Variants in MAN1C1 observed in about 807,000 individuals in gnomAD.
MAN1C1 encodes mannosyl-oligosaccharide 1,2-alpha-mannosidase IC.
Under a neutral mutation model 71.5 loss-of-function variants are expected in MAN1C1, and 49 were observed. That is an observed-to-expected ratio of 0.69 (90% CI 0.54 to 0.87). The LOEUF is 0.87. Ranked by LOEUF, MAN1C1 falls within the 40% of genes least tolerant of loss-of-function variation. The pLI, the probability that MAN1C1 is intolerant of heterozygous loss-of-function variation, is 0.00. For missense variants in MAN1C1, 743 were observed against 835.0 expected (o/e 0.89, Z 1.36); for synonymous variants, 352 against 343.7 (o/e 1.02, Z -0.27).
chr1:25,771,950 C>A lies in MAN1C1; in HGVS notation c.1257+178C>A, dbSNP rs1238515599. 4 of 596,208 alleles carry A rather than the reference C, an allele frequency of 6.7e-6. No homozygotes were observed. In the Admixed American group the frequency reaches 1.2e-4, roughly 18 times the overall value. The allele number at this position is 596,208 out of a possible 1,614,324, so 36.9% of individuals were successfully genotyped here. On this transcript the variant is annotated intron_variant, in intron 8 of 11. Transcript: ENST00000374332. ...CCCCTCCCAGCCAGGCATTTTACAC[C>A]CTGCGACCCTCCCACATGCTCTAAG...
chr1:25,778,137 C>T lies in MAN1C1; in HGVS notation c.1290C>T (p.Pro430=), dbSNP rs771258387. Residue 430 remains proline (P), a synonymous_variant, in exon 9 of 12, where the codon CCC becomes CCT. Transcript: ENST00000374332. The surrounding 1 kb of genome is among the most constrained non-coding windows in gnomAD (Gnocchi z 5.5). Reference sequence around the variant, plus strand: ...AGACCTACTTGCTGAATGTCTCTCCCGGGGGGCTGACCTACATTGCCGAGT... The same window carrying T: ...AGACCTACTTGCTGAATGTCTCTCCTGGGGGGCTGACCTACATTGCCGAGT... ...AIETYLLNVS[P]GGLTYIAEWR... is the part of the protein sequence containing the mutation. The T allele has an allele frequency of 3.1e-5, 50 of 1,589,912 alleles. No homozygotes were observed. The highest frequency in any genetic ancestry group is 3.4e-5 in the South Asian group (3 of 88,532).
At chr1:25,640,774 G>A (rs1055335719) in intron 1 of MAN1C1, among the ~76,000 whole-genome samples, 1 of 152,106 alleles carries the variant, frequency 6.6e-6, no homozygotes, top group African/African-American at 2.4e-5. Context: ...ACTCAGAGGC[G>A]GTATTGTGTA....
At chr1:25,747,965 T>G (rs1011518635) in intron 3 of MAN1C1, among the ~76,000 whole-genome samples, 3 of 152,202 alleles carry the variant, frequency 2.0e-5, no homozygotes, top group Non-Finnish European at 4.4e-5. Flanking sequence ...TTGAGGCTTG[T>G]TGACATTTCT....
chr1:25,727,729 G>C (rs1308740493), intron 2 of MAN1C1, among the ~76,000 whole-genome samples: 1 of 152,236 alleles, frequency 6.6e-6, no homozygotes, highest in Non-Finnish European at 1.5e-5. Flanking sequence ...AGTGTGGGAT[G>C]CTTAGGAGCG....
intron 1 of MAN1C1, among the ~76,000 whole-genome samples, chr1:25,662,147 T>C (rs1469515580): frequency 6.6e-6 from 1 of 152,232 alleles, no homozygotes; most frequent in Non-Finnish European, 1.5e-5. Flanking sequence ...TTGATTGATG[T>C]CTATCTCTCT....
intron 7 of MAN1C1, among the ~76,000 whole-genome samples, chr1:25,768,604 C>T (rs534557141): frequency 8.6e-5 from 10 of 115,886 alleles, no homozygotes; most frequent in African/African-American, 3.1e-4. Flanking sequence ...ACACTCCCCT[C>T]ACATACATCC....
Position 25,685,629 on chromosome 1 carries a change from G to C in MAN1C1, c.541-811G>C, listed in dbSNP as rs140027638. On this transcript the variant is annotated intron_variant, in intron 1 of 11. Transcript: ENST00000374332. Reference sequence around the variant, plus strand: ...AGAGCTGATGCAGCTGCCTTGCATAGTAAGAACTCATGCATACTCTGGGTG... The same window carrying C: ...AGAGCTGATGCAGCTGCCTTGCATACTAAGAACTCATGCATACTCTGGGTG... 3.9e-3 allele frequency among the ~76,000 whole-genome samples: 592 copies of C among 152,348 alleles called. 3 individuals carry two copies. The highest frequency in any genetic ancestry group is 0.014 in the African/African-American group (564 of 41,580).
chr1:25,783,649 T>C lies in MAN1C1; in HGVS notation c.1767-14T>C. ...CAGACTGTGTCTTGCTTCCCTGCCCTGCGTGGGGCACAGGTATCTCTATCT... is the reference window on the plus strand; with the variant it reads ...CAGACTGTGTCTTGCTTCCCTGCCCCGCGTGGGGCACAGGTATCTCTATCT... On this transcript the variant is annotated splice_polypyrimidine_tract_variant and intron_variant, in intron 11 of 11. Coordinates refer to ENST00000374332, the MANE Select transcript of MAN1C1 (RefSeq NM_020379.4). 1 of 1,610,512 alleles carries C rather than the reference T, an allele frequency of 6.2e-7. No individual in the cohort carries two copies. Among genetic ancestry groups the C allele is most frequent in the Non-Finnish European group, 8.5e-7 (1 of 1,179,574 alleles).
chr1:25,666,091 A>C (rs1209611585), intron 1 of MAN1C1, among the ~76,000 whole-genome samples: 4 of 151,808 alleles, frequency 2.6e-5, no homozygotes, highest in Non-Finnish European at 4.4e-5. Context: ...AGAAAAAAAA[A>C]CCCTCTAATC....
At chr1:25,734,320 G>T (rs1224321752) in intron 2 of MAN1C1, among the ~76,000 whole-genome samples, 4 of 151,970 alleles carry the variant, frequency 2.6e-5, no homozygotes, top group Admixed American at 1.3e-4. Flanking sequence ...GTAGAGATGG[G>T]GTTTCACCAT....
At chr1:25,717,209 T>G (rs1375259764) in intron 2 of MAN1C1, among the ~76,000 whole-genome samples, 1 of 152,200 alleles carries the variant, frequency 6.6e-6, no homozygotes, top group Non-Finnish European at 1.5e-5. Flanking sequence ...TTAAATTTAT[T>G]AACTTTGTAA....
At chr1:25,733,754 G>A (rs2046941801) in intron 2 of MAN1C1, among the ~76,000 whole-genome samples, 1 of 152,036 alleles carries the variant, frequency 6.6e-6, no homozygotes, top group Non-Finnish European at 1.5e-5. Context: ...GTCTGTAAGA[G>A]GGGGACAATG....
At chr1:25,658,230 A>C (rs1359371806) in intron 1 of MAN1C1, among the ~76,000 whole-genome samples, 1 of 152,214 alleles carries the variant, frequency 6.6e-6, no homozygotes, top group Non-Finnish European at 1.5e-5. Context: ...TGAGGCTCAG[A>C]GGTGTTAAAC....
In MAN1C1 at chr1:25,778,341, A is replaced by G; in HGVS notation, c.1477+17A>G. 1 of 1,595,212 alleles carries G rather than the reference A, an allele frequency of 6.3e-7. No homozygotes were observed. Among genetic ancestry groups the G allele is most frequent in the Non-Finnish European group, 8.6e-7 (1 of 1,167,964 alleles). ...CCCGCTCAGGTAACCCTGCAAGGGG[A>G]AGGGGCAGCAGGAGAGACTGAGGCT... On this transcript the variant is annotated intron_variant, in intron 9 of 11. Transcript: ENST00000374332. The surrounding 1 kb of genome is among the most constrained non-coding windows in gnomAD (Gnocchi z 5.5).
chr1:25,647,209 T>C (rs1178500843), intron 1 of MAN1C1, among the ~76,000 whole-genome samples: 1 of 152,118 alleles, frequency 6.6e-6, no homozygotes, highest in African/African-American at 2.4e-5. Flanking sequence ...CAAGTGCAGC[T>C]GGGTAGGCCA....
Position 25,753,699 on chromosome 1 carries a change from G to A in MAN1C1, c.929+121G>A, listed in dbSNP as rs578002492. 143 of 730,322 alleles carry A rather than the reference G, an allele frequency of 2.0e-4. No homozygotes were observed. In the African/African-American group the frequency reaches 2.3e-3, roughly 12 times the overall value. 45.2% of individuals were successfully genotyped at this position (730,322 alleles called of 1,614,324 possible). ...CAGTAGGCAGGCAAGCAGGAGGGGG[G>A]ACCCTTGGGACCACCTCTGTTGAAC... On this transcript the variant is annotated intron_variant, in intron 5 of 11. Coordinates refer to ENST00000374332, the MANE Select transcript of MAN1C1 (RefSeq NM_020379.4). This position sits in a 1 kb window ranked among gnomAD's most constrained non-coding sequence, Gnocchi z 4.9.
intron 2 of MAN1C1, among the ~76,000 whole-genome samples, chr1:25,696,614 A>AG (rs1315191162): frequency 4.6e-5 from 7 of 151,966 alleles, no homozygotes; most frequent in Non-Finnish European, 1.0e-4. Flanking sequence ...TAGCTCCCCA[A>AG]GGGTAGCTGC....
chr1:25,693,822 G>A (rs1056608626), intron 2 of MAN1C1, among the ~76,000 whole-genome samples: 9 of 152,180 alleles, frequency 5.9e-5, no homozygotes, highest in Middle Eastern at 3.4e-3. Flanking sequence ...CACTTTGGGC[G>A]AGTTTCTTAA....
chr1:25,715,484 G>T (rs375375324), intron 2 of MAN1C1, among the ~76,000 whole-genome samples: 1 of 152,212 alleles, frequency 6.6e-6, no homozygotes, highest in Non-Finnish European at 1.5e-5. Context: ...TTCTCTCAAC[G>T]AATACCTAAG....
Sources: gnomAD v4.1 joint callset for allele counts (sites outside exome capture counted in the v4.1 genomes callset) on GRCh38, gnomAD v4.1.1 for gene constraint, Gnocchi (gnomAD v3.1) non-coding constraint, MANE v1.5 for transcripts, NCBI Gene and HGNC (gene_info 2026-07-23, HGNC 2026-07-21) for gene names.